Variants in RNF125 observed in about 807,000 individuals in gnomAD.
The protein encoded by RNF125 is E3 ubiquitin-protein ligase RNF125.
RNF125 carries 21 observed loss-of-function variants against 26.0 expected under a neutral mutation model. The ratio of observed to expected loss-of-function variants is 0.81; its 90% CI spans 0.57 to 1.16. The LOEUF (loss-of-function observed/expected upper bound fraction) is 1.16, where lower values mean the gene tolerates loss of function less well. Among genes scored for constraint, RNF125 ranks in the 50% most tolerant of loss-of-function variants. The probability of loss-of-function intolerance (pLI) is 0.00; values close to 1 mark genes in which losing one functional copy is unlikely to be tolerated. For missense variants in RNF125, 270 were observed against 299.4 expected (o/e 0.90, Z 0.72); for synonymous variants, 95 against 109.2 (o/e 0.87, Z 0.81).
At chr18:32,043,179 T>C (rs776643726) in intron 3 of RNF125, among the ~76,000 whole-genome samples, 25 of 152,108 alleles carry the variant, frequency 1.6e-4, no homozygotes, top group Non-Finnish European at 3.4e-4. Flanking sequence ...TAAGTCATTA[T>C]TCTCCTGATG....
chr18:32,074,177 C>T (rs2039554140), downstream of RNF125, among the ~76,000 whole-genome samples: 1 of 152,154 alleles, frequency 6.6e-6, no homozygotes, highest in Non-Finnish European at 1.5e-5. Context: ...TTCAGAATTC[C>T]AGGGTACTTT....
At chr18:32,046,843 G>A (rs996939898) in intron 4 of RNF125, among the ~76,000 whole-genome samples, 8 of 151,238 alleles carry the variant, frequency 5.3e-5, no homozygotes, top group Non-Finnish European at 1.2e-4. Context: ...TTTTTGTATA[G>A]TTGTGAGGTA....
intron 1 of RNF125, among the ~76,000 whole-genome samples, chr18:32,030,280 T>C (rs1193277299): frequency 1.3e-5 from 2 of 152,102 alleles, no homozygotes; most frequent in Non-Finnish European, 2.9e-5. Flanking sequence ...AGACCTCAGG[T>C]GATCCGCCCG....
intron 1 of RNF125, among the ~76,000 whole-genome samples, chr18:32,025,597 G>T (rs1304813816): frequency 6.7e-6 from 1 of 150,204 alleles, no homozygotes; most frequent in African/African-American, 2.5e-5. Context: ...CCCAGGAGGT[G>T]GAGGTTGCAA....
intron 5 of RNF125, among the ~76,000 whole-genome samples, chr18:32,067,150 G>A (rs565907577): frequency 3.3e-5 from 5 of 152,346 alleles, no homozygotes; most frequent in African/African-American, 1.2e-4. Context: ...CTACTCTGGA[G>A]GCTGAGGCAG....
rs775086863 is a variant in RNF125, at chr18:32,064,396, CT to C, written c.505-1483del. Among the ~76,000 whole-genome samples the C allele has an allele frequency of 8.3e-4, 72 of 86,846 alleles. No individual in the cohort carries two copies. In the South Asian group the frequency reaches 0.013, roughly 15 times the overall value. 57.0% of individuals were successfully genotyped at this position (86,846 alleles called of 152,430 possible). A position where few individuals can be genotyped will look rare whatever the true frequency, so the allele number is the denominator to read the frequency against. On this transcript the variant is annotated intron_variant, in intron 4 of 5. Coordinates refer to ENST00000217740, the MANE Select transcript of RNF125 (RefSeq NM_017831.4). ...AATCTGGTGAAATCTTTTTCTTTTT[CT>C]TTTTTTTTTTTTTTTTTTTTTTGAG...
rs755531490 is a variant in RNF125 at position 32,072,162 on chromosome 18, C to T, written c.*3778C>T. On this transcript the variant is annotated 3_prime_UTR_variant, in exon 6 of 6. Coordinates refer to ENST00000217740, the MANE Select transcript of RNF125 (RefSeq NM_017831.4). ...ACTGCAGTGAGCTATGATCATGCTA[C>T]TGCCCTCCAGCCTGGGCAACAGAGC... 23 of 152,154 alleles carry T rather than the reference C, an allele frequency of 1.5e-4. No homozygotes were observed. Among genetic ancestry groups the T allele is most frequent in the African/African-American group, 4.6e-4 (19 of 41,408 alleles). The allele number at this position is 152,154 out of a possible 1,614,324, so 9.4% of individuals were successfully genotyped here.
chr18:32,045,767 C>T (rs750494968), intron 4 of RNF125, 35 bp downstream of exon 4: 20 of 1,331,564 alleles, frequency 1.5e-5, no homozygotes, highest in Middle Eastern at 1.8e-4. Context: ...ACAGCAATGT[C>T]TGAATTCAGG....
chr18:32,084,123 A>C, the RNF125 span, among the ~76,000 whole-genome samples: 1 of 152,162 alleles, frequency 6.6e-6, no homozygotes, highest in Non-Finnish European at 1.5e-5. Flanking sequence ...TGGGAGGCCG[A>C]CGCAGGTGGA....
At chr18:32,035,094 G>A (rs1043077657) in intron 1 of RNF125, among the ~76,000 whole-genome samples, 6 of 152,084 alleles carry the variant, frequency 3.9e-5, no homozygotes, top group African/African-American at 1.4e-4. Context: ...CTTGCCAGGT[G>A]CTCATGCCTT....
At chr18:32,075,876 AT>A, downstream of RNF125, 1 of 948,452 alleles carries the variant, frequency 1.1e-6, no homozygotes. Flanking sequence ...GTAAATATAT[AT>A]TACATCTCTA....
intron 1 of RNF125, among the ~76,000 whole-genome samples, chr18:32,032,800 A>C (rs2039111429): frequency 6.6e-6 from 1 of 152,084 alleles, no homozygotes; most frequent in Admixed American, 6.6e-5. Context: ...CAGAAGTTGC[A>C]GTGAGCCGAG....
In RNF125 at chr18:32,071,897, A is replaced by G. The variant is rs773265833; in HGVS notation, c.*3513A>G. ...TTTAGATGGATCATACAATAAAGCAAAATCTGGCTGGTTACAGTGGCTCAC... is the reference window on the plus strand; with the variant it reads ...TTTAGATGGATCATACAATAAAGCAGAATCTGGCTGGTTACAGTGGCTCAC... On this transcript the variant is annotated 3_prime_UTR_variant, in exon 6 of 6. Transcript: ENST00000217740. The G allele has an allele frequency of 6.6e-6, 1 of 152,186 alleles. No homozygotes were observed. Among genetic ancestry groups the G allele is most frequent in the Non-Finnish European group, 1.5e-5 (1 of 68,026 alleles). 9.4% of individuals were successfully genotyped at this position (152,186 alleles called of 1,614,324 possible).
chr18:32,033,759 C>T (rs751881991), intron 1 of RNF125, among the ~76,000 whole-genome samples: 3 of 151,806 alleles, frequency 2.0e-5, no homozygotes, highest in East Asian at 1.9e-4. Context: ...GTGGAGGTCG[C>T]GGTGAGTCAA....
intron 1 of RNF125, among the ~76,000 whole-genome samples, chr18:32,030,717 TAAAG>T (rs1397535374): frequency 3.9e-5 from 6 of 152,158 alleles, no homozygotes; most frequent in Non-Finnish European, 8.8e-5. Context: ...GGGTAATAGA[TAAAG>T]AAAAGAATCT....
downstream of RNF125, among the ~76,000 whole-genome samples, chr18:32,074,127 T>C (rs2039553880): frequency 6.6e-6 from 1 of 152,210 alleles, no homozygotes; most frequent in Non-Finnish European, 1.5e-5. Flanking sequence ...CAAAGTCTAC[T>C]GTGGTTCCTG....
the RNF125 span, among the ~76,000 whole-genome samples, chr18:32,080,912 C>T: frequency 4.7e-4 from 72 of 152,140 alleles, no homozygotes; most frequent in South Asian, 2.9e-3. Flanking sequence ...ATGGGCTGGG[C>T]GCGGTGGTTT....
intron 4 of RNF125, among the ~76,000 whole-genome samples, chr18:32,062,788 AT>A (rs1282916038): frequency 6.6e-6 from 1 of 152,078 alleles, no homozygotes; most frequent in East Asian, 1.9e-4. Context: ...TCTCTCTGAA[AT>A]TGGGCTCATC....
chr18:32,026,066 CT>C (rs34424595), intron 1 of RNF125, among the ~76,000 whole-genome samples: 1,353 of 132,208 alleles, frequency 0.01, 18 homozygotes, highest in African/African-American at 0.033. Context: ...TTAAAAAAAA[CT>C]TTTTTTTTTT....
Sources: allele counts gnomAD v4.1 joint callset (sites outside exome capture counted in the v4.1 genomes callset), GRCh38; gene constraint gnomAD v4.1.1; transcripts MANE v1.5; gene names NCBI Gene and HGNC (gene_info 2026-07-23, HGNC 2026-07-21).